HIP1: variants seen among roughly 807,000 people sequenced by gnomAD.
HIP1 encodes the protein huntingtin-interacting protein 1.
A neutral mutation model predicts 147.6 loss-of-function variants in HIP1; 65 were observed. The observed-to-expected ratio is 0.44, with a 90% CI of 0.36 to 0.54. The LOEUF (loss-of-function observed/expected upper bound fraction) is 0.54, where lower values mean the gene tolerates loss of function less well. Among genes scored for constraint, HIP1 ranks in the 20% least tolerant of loss-of-function variants. The pLI, the probability that HIP1 is intolerant of heterozygous loss-of-function variation, is 0.00. For synonymous variants in HIP1, 479 were observed against 504.0 expected (o/e 0.95, Z 0.67); for missense variants, 1,061 against 1,299.6 (o/e 0.82, Z 2.82).
intron 1 of HIP1, among the ~76,000 whole-genome samples, chr7:75,658,748 C>T (rs1209622450): frequency 6.6e-6 from 1 of 151,692 alleles, no homozygotes; most frequent in Non-Finnish European, 1.5e-5. Flanking sequence ...AACCCTGTCT[C>T]TAGAAAAGAT....
intron 1 of HIP1, among the ~76,000 whole-genome samples, chr7:75,692,392 T>TGGGA (rs1800488558): frequency 6.6e-6 from 1 of 151,274 alleles, no homozygotes; most frequent in Non-Finnish European, 1.5e-5. Context: ...CCCAAGCAGC[T>TGGGA]GGGACTACAG....
chr7:75,672,623 T>C (rs554152348), intron 1 of HIP1, among the ~76,000 whole-genome samples: 2 of 152,120 alleles, frequency 1.3e-5, no homozygotes, highest in Non-Finnish European at 2.9e-5. Context: ...CTACCATACT[T>C]GGTCCTTCTT....
intron 22 of HIP1, among the ~76,000 whole-genome samples, chr7:75,549,293 G>A (rs1288007995): frequency 1.3e-5 from 2 of 151,762 alleles, no homozygotes; most frequent in East Asian, 3.9e-4. Flanking sequence ...CCTTAGTTGT[G>A]CAGTGTCAAT....
chr7:75,542,025 C>T (rs1179679072), intron 28 of HIP1, 45 bp from the exon 29 acceptor site: 2 of 1,526,846 alleles, frequency 1.3e-6, no homozygotes, highest in Non-Finnish European at 1.8e-6. Context: ...TCTACCCTGG[C>T]TGACTGGCAC....
At chr7:75,705,552 G>T (rs1172302099) in intron 1 of HIP1, among the ~76,000 whole-genome samples, 1 of 151,954 alleles carries the variant, frequency 6.6e-6, no homozygotes, top group East Asian at 1.9e-4. Flanking sequence ...TTAGCGATGA[G>T]GTTTTGCCAT....
intron 1 of HIP1, among the ~76,000 whole-genome samples, chr7:75,726,622 C>A (rs1371298975): frequency 6.6e-6 from 1 of 151,806 alleles, no homozygotes; most frequent in African/African-American, 2.4e-5. Context: ...CAATGCTTGG[C>A]ACTGTCAAGT....
At chr7:75,683,813 A>G (rs1442629668) in intron 1 of HIP1, among the ~76,000 whole-genome samples, 1 of 152,232 alleles carries the variant, frequency 6.6e-6, no homozygotes, top group Non-Finnish European at 1.5e-5. Flanking sequence ...ACATCTGTAC[A>G]GCACTTGACA....
chr7:75,738,180 T>C (rs1802086232), intron 1 of HIP1, among the ~76,000 whole-genome samples: 1 of 152,148 alleles, frequency 6.6e-6, no homozygotes, highest in South Asian at 2.1e-4. Context: ...CAAAGTAATT[T>C]TCCCACAAAG....
At position 75,592,273 on chromosome 7, in the gene HIP1, G is replaced by A. The variant is rs1254814771; in HGVS notation, c.327+99C>T. 21 of 1,460,816 alleles carry A rather than the reference G, an allele frequency of 1.4e-5. No homozygotes were observed. The East Asian group carries it at 2.5e-4, about 18-fold the overall frequency. 90.5% of individuals were successfully genotyped at this position (1,460,816 alleles called of 1,614,324 possible). A position where few individuals can be genotyped will look rare whatever the true frequency, so the allele number is the denominator to read the frequency against. On this transcript the variant is annotated intron_variant, in intron 3 of 30. Coordinates refer to ENST00000336926, the MANE Select transcript of HIP1 (RefSeq NM_005338.7). ...GGGGAACCCAAAGGCCAGGAGAAGG[G>A]GGCAGTGTGGGAGAGGACAGCAGCC... is the stretch of plus-strand genomic sequence containing the variant.
At chr7:75,680,702 C>T (rs1316154101) in intron 1 of HIP1, among the ~76,000 whole-genome samples, 5 of 151,992 alleles carry the variant, frequency 3.3e-5, no homozygotes, top group African/African-American at 7.2e-5. Flanking sequence ...CTCCGCCTCC[C>T]GGGTTCAAGC....
In HIP1 at chr7:75,539,423, CACCCTAACCTGTAA is replaced by C; in HGVS notation, c.2953-6_2960del. On this transcript the variant is annotated splice_acceptor_variant and splice_polypyrimidine_tract_variant and coding_sequence_variant and intron_variant, in exon 30 of 31. Transcript: ENST00000336926. LOFTEE classifies it high-confidence loss of function. ...TCTGCAATTCATTTTCTAGCTCTAG[CACCCTAACCTGTAA>C]GGGAAATTAAGTGGGATTTTCTCTT... The C allele has an allele frequency of 6.2e-7, 1 of 1,613,084 alleles. No individual in the cohort carries two copies. Among genetic ancestry groups the C allele is most frequent in the Non-Finnish European group, 8.5e-7 (1 of 1,179,028 alleles).
At chr7:75,698,164 C>T (rs1009519638) in intron 1 of HIP1, among the ~76,000 whole-genome samples, 9 of 152,030 alleles carry the variant, frequency 5.9e-5, no homozygotes, top group Admixed American at 3.9e-4. Flanking sequence ...AAGTATCCTC[C>T]CAAGTCACGC....
At position 75,536,528 on chromosome 7, in the gene HIP1, G is replaced by T. The variant is rs1794090638; in HGVS notation, c.*1644C>A. ...GACGCTGTTTTTCCAAGATCAGAAGGTCACTTAAATGCTGGGGTCCATCTA... is the reference window on the plus strand; with the variant it reads ...GACGCTGTTTTTCCAAGATCAGAAGTTCACTTAAATGCTGGGGTCCATCTA... On this transcript the variant is annotated 3_prime_UTR_variant, in exon 31 of 31. Coordinates refer to ENST00000336926, the MANE Select transcript of HIP1 (RefSeq NM_005338.7). 4.3e-6 allele frequency: 1 copy of T among 230,474 alleles called. No homozygotes were observed. Among genetic ancestry groups the T allele is most frequent in the Non-Finnish European group, 8.6e-6 (1 of 116,224 alleles). 14.3% of individuals were successfully genotyped at this position (230,474 alleles called of 1,614,324 possible). A position where few individuals can be genotyped will look rare whatever the true frequency, so the allele number is the denominator to read the frequency against.
rs182663260 is a variant in HIP1, at chr7:75,684,714, C to T, written c.120+54087G>A. Reference sequence around the variant, plus strand: ...TTACAATTAAAAATGAATTATTCTGCGCTTCAGTGAATAATCCTGATCATA... The same window carrying T: ...TTACAATTAAAAATGAATTATTCTGTGCTTCAGTGAATAATCCTGATCATA... On this transcript the variant is annotated intron_variant, in intron 1 of 30. Transcript: ENST00000336926. Among the ~76,000 whole-genome samples, 343 of 152,206 alleles carry T rather than the reference C, an allele frequency of 2.3e-3. 1 individual carries two copies. The highest frequency in any genetic ancestry group is 7.3e-3 in the African/African-American group (304 of 41,540).
intron 1 of HIP1, among the ~76,000 whole-genome samples, chr7:75,655,306 C>T (rs1409358220): frequency 2.0e-5 from 3 of 151,838 alleles, no homozygotes; most frequent in African/African-American, 4.8e-5. Context: ...AGGCCGGGCA[C>T]GGTGGCTCAC....
intron 1 of HIP1, among the ~76,000 whole-genome samples, chr7:75,630,522 A>G (rs1459735625): frequency 6.6e-6 from 1 of 151,826 alleles, no homozygotes; most frequent in Non-Finnish European, 1.5e-5. Flanking sequence ...CCACAGAGAT[A>G]GGGAGTGTGC....
intron 1 of HIP1, among the ~76,000 whole-genome samples, chr7:75,639,588 TGTGTGCGCCCGC>T (rs1248226018): frequency 2.7e-5 from 4 of 150,074 alleles, no homozygotes; most frequent in African/African-American, 9.9e-5. Flanking sequence ...TGTGTGTGTG[TGTGTGCGCCCGC>T]GTGTGTGTGC....
In HIP1 at chr7:75,538,088, A is replaced by G; in HGVS notation, c.*84T>C. The G allele has an allele frequency of 6.1e-6, 7 of 1,154,872 alleles. No homozygotes were observed. The highest frequency in any genetic ancestry group is 9.2e-6 in the Non-Finnish European group (7 of 761,426). The allele number at this position is 1,154,872 out of a possible 1,614,324, so 71.5% of individuals were successfully genotyped here. A position where few individuals can be genotyped will look rare whatever the true frequency, so the allele number is the denominator to read the frequency against. ...TGGTGTGGCTGCCCCTGGGACTCCA[A>G]GGATTTGGCCTGTGGCTGGGGAAAT... On this transcript the variant is annotated 3_prime_UTR_variant, in exon 31 of 31. Coordinates refer to ENST00000336926, the MANE Select transcript of HIP1 (RefSeq NM_005338.7).
rs782734917 is a variant in HIP1, at chr7:75,537,626, C to T, written c.*546G>A. On this transcript the variant is annotated 3_prime_UTR_variant, in exon 31 of 31. Coordinates refer to ENST00000336926, the MANE Select transcript of HIP1 (RefSeq NM_005338.7). The stretch of plus-strand genomic sequence containing the variant: ...ATGGCTTTGGCATTCACAGCCAGGA[C>T]ACTCCTGCCGTCCTTCTGACTGTGC... 1.7e-5 allele frequency: 4 copies of T among 233,600 alleles called. No homozygotes were observed. Among genetic ancestry groups the T allele is most frequent in the Non-Finnish European group, 2.5e-5 (3 of 118,468 alleles). The allele number at this position is 233,600 out of a possible 1,614,324, so 14.5% of individuals were successfully genotyped here.
Sources: allele counts gnomAD v4.1 joint callset (sites outside exome capture counted in the v4.1 genomes callset), GRCh38; gene constraint gnomAD v4.1.1; transcripts MANE v1.5; gene names NCBI Gene and HGNC (gene_info 2026-07-23, HGNC 2026-07-21).